ZNF324B: variants seen among roughly 807,000 people sequenced by gnomAD.
ZNF324B encodes the protein zinc finger protein 324B.
In ZNF324B, 7 loss-of-function variants were observed where a neutral mutation model predicts 10.6. That is an observed-to-expected ratio of 0.66 (90% confidence interval 0.38 to 1.24). ZNF324B has a LOEUF of 1.24. ZNF324B is among the 50% of genes most tolerant of loss of function. The pLI, the probability that ZNF324B is intolerant of heterozygous loss-of-function variation, is 0.02. For missense variants in ZNF324B, 640 were observed against 764.7 expected (o/e 0.84, Z 1.92); for synonymous variants, 316 against 321.0 (o/e 0.98, Z 0.17).
the ZNF324B span, chr19:58,431,199 A>G: frequency 1.3e-5 from 2 of 152,180 alleles, no homozygotes; most frequent in African/African-American, 2.4e-5. Flanking sequence ...TGGGGTTTCT[A>G]CCTGGAGTAC....
the ZNF324B span, among the ~76,000 whole-genome samples, chr19:58,436,687 A>G: frequency 6.6e-6 from 1 of 151,202 alleles, no homozygotes; most frequent in Admixed American, 6.6e-5. Flanking sequence ...AAAAAAAAAA[A>G]AAAAAGGAAA....
At chr19:58,429,565 C>G in the ZNF324B span, 1 of 152,264 alleles carries the variant, frequency 6.6e-6, no homozygotes, top group South Asian at 2.1e-4. Context: ...TGGGTTTTCA[C>G]CATGTTAGCC....
the ZNF324B span, among the ~76,000 whole-genome samples, chr19:58,431,407 T>G: frequency 6.6e-6 from 1 of 152,210 alleles, no homozygotes; most frequent in Non-Finnish European, 1.5e-5. Context: ...CTGAAACTGC[T>G]GTTCAGTGAT....
At chr19:58,434,778 A>G in the ZNF324B span, 2 of 1,614,208 alleles carry the variant, frequency 1.2e-6, no homozygotes, top group South Asian at 2.2e-5. Context: ...GCTGCCCAAG[A>G]TTGGAATATG....
At chr19:58,426,385 T>TG in the ZNF324B span, among the ~76,000 whole-genome samples, 10 of 152,162 alleles carry the variant, frequency 6.6e-5, no homozygotes, top group Non-Finnish European at 1.0e-4. Flanking sequence ...TTCATATTGA[T>TG]GGAGAGTTTT....
the ZNF324B span, chr19:58,433,333 A>G: frequency 6.2e-7 from 1 of 1,611,254 alleles, no homozygotes; most frequent in African/African-American, 1.3e-5. Flanking sequence ...TCAGGTATGA[A>G]TCTTTTTATG....
chr19:58,433,158 A>T, the ZNF324B span: 1 of 705,618 alleles, frequency 1.4e-6, no homozygotes. Flanking sequence ...CATGGGTGAG[A>T]TGGCCCTGCA....
chr19:58,420,528 TA>T, the ZNF324B span, among the ~76,000 whole-genome samples: 73,852 of 151,246 alleles, frequency 0.49, 18,328 homozygotes, highest in African/African-American at 0.56. Context: ...GAGAAGTTCA[TA>T]GACCAGCCTG....
At position 58,456,586 on chromosome 19, in the gene ZNF324B, A is replaced by C. The variant is rs192112354; in HGVS notation, c.*7A>C. 1.6e-4 allele frequency: 250 copies of C among 1,611,128 alleles called. No homozygotes were observed. The East Asian group carries it at 5.3e-3, about 34-fold the overall frequency. On this transcript the variant is annotated 3_prime_UTR_variant, in exon 4 of 4. Transcript: ENST00000336614. This position sits in a 1 kb window ranked among gnomAD's most constrained non-coding sequence, Gnocchi z 4.7. ...GAAGCCAGCGAAGGTCTGAGGTCACAGGTCGCAGCCCAACCCTTTCTTGGC... is the reference window on the plus strand; with the variant it reads ...GAAGCCAGCGAAGGTCTGAGGTCACCGGTCGCAGCCCAACCCTTTCTTGGC...
At chr19:58,439,211 T>A in the ZNF324B span, among the ~76,000 whole-genome samples, 1 of 152,174 alleles carries the variant, frequency 6.6e-6, no homozygotes, top group Non-Finnish European at 1.5e-5. Flanking sequence ...AAAGCACACA[T>A]CTGGACCACA....
upstream of ZNF324B, chr19:58,451,558 CA>C (rs1568602369): frequency 5.8e-6 from 3 of 513,524 alleles, no homozygotes; most frequent in Non-Finnish European, 1.2e-5. Context: ...AGGCTGTGCG[CA>C]AGCGTCTGCG....
the ZNF324B span, among the ~76,000 whole-genome samples, chr19:58,438,700 C>T: frequency 6.6e-6 from 1 of 151,924 alleles, no homozygotes; most frequent in Non-Finnish European, 1.5e-5. Flanking sequence ...GTCTCAATCT[C>T]CTGACCTAGT....
At chr19:58,425,857 T>C in the ZNF324B span, among the ~76,000 whole-genome samples, 1 of 152,172 alleles carries the variant, frequency 6.6e-6, no homozygotes, top group Non-Finnish European at 1.5e-5. Context: ...GAGCTGAGAT[T>C]TCAAGGCAGG....
chr19:58,455,177 G>A lies in ZNF324B; in HGVS notation c.239-6G>A, dbSNP rs768999969. ...CCCCAGGCAACCACCGTTTCTCTGC[G>A]TTTAGGTTCCTGGAGTTTGACAGAG... On this transcript the variant is annotated splice_polypyrimidine_tract_variant and splice_region_variant and intron_variant, in intron 3 of 3. Coordinates refer to ENST00000336614, the MANE Select transcript of ZNF324B (RefSeq NM_207395.3). The surrounding 1 kb of genome is among the most constrained non-coding windows in gnomAD (Gnocchi z 7.0). 15 of 1,613,932 alleles carry A rather than the reference G, an allele frequency of 9.3e-6. No individual in the cohort carries two copies. The highest frequency in any genetic ancestry group is 1.2e-5 in the Non-Finnish European group (14 of 1,180,050).
chr19:58,456,780 CA>C lies in ZNF324B; in HGVS notation c.*204del. On this transcript the variant is annotated 3_prime_UTR_variant, in exon 4 of 4. Coordinates refer to ENST00000336614, the MANE Select transcript of ZNF324B (RefSeq NM_207395.3). This position sits in a 1 kb window ranked among gnomAD's most constrained non-coding sequence, Gnocchi z 4.7. ...TAGTCATAGCTCACACCTCCATCCTCAAAGAGGTAACACTGCAGAAACATCA... is the reference window on the plus strand; with the variant it reads ...TAGTCATAGCTCACACCTCCATCCTCAAGAGGTAACACTGCAGAAACATCA... 1 of 637,840 alleles carries C rather than the reference CA, an allele frequency of 1.6e-6. No individual in the cohort carries two copies. Among genetic ancestry groups the C allele is most frequent in the Non-Finnish European group, 2.7e-6 (1 of 372,830 alleles). The allele number at this position is 637,840 out of a possible 1,614,324, so 39.5% of individuals were successfully genotyped here. A position where few individuals can be genotyped will look rare whatever the true frequency, so the allele number is the denominator to read the frequency against.
chr19:58,457,530 C>T lies in ZNF324B; in HGVS notation c.*951C>T, dbSNP rs2052934388. The T allele has an allele frequency of 7.1e-6, 1 of 140,692 alleles. No homozygotes were observed. The highest frequency in any genetic ancestry group is 1.5e-5 in the Non-Finnish European group (1 of 64,724). The allele number at this position is 140,692 out of a possible 1,614,324, so 8.7% of individuals were successfully genotyped here. A position where few individuals can be genotyped will look rare whatever the true frequency, so the allele number is the denominator to read the frequency against. On this transcript the variant is annotated 3_prime_UTR_variant, in exon 4 of 4. Coordinates refer to ENST00000336614, the MANE Select transcript of ZNF324B (RefSeq NM_207395.3). Reference sequence around the variant, plus strand: ...CCGATCCCCGCCCCCACCCCCACCCCCTCCATCTCACCTTTCCCTTGTTAT... The same window carrying T: ...CCGATCCCCGCCCCCACCCCCACCCTCTCCATCTCACCTTTCCCTTGTTAT...
At chr19:58,436,098 A>G in the ZNF324B span, among the ~76,000 whole-genome samples, 1 of 152,224 alleles carries the variant, frequency 6.6e-6, no homozygotes, top group Non-Finnish European at 1.5e-5. Context: ...AAAAATACAT[A>G]GTATTCTATA....
In ZNF324B at chr19:58,453,776, G is replaced by T; in HGVS notation, c.75G>T (p.Leu25=). Residue 25 remains leucine (L), a synonymous_variant, in exon 2 of 4, where the codon CTG becomes CTT. Coordinates refer to ENST00000336614, the MANE Select transcript of ZNF324B (RefSeq NM_207395.3). The part of the protein sequence containing the change: ...WGLLDTAQRA[L]YRHVMLENFT... Reference sequence around the variant, plus strand: ...TCCTGGACACAGCGCAGAGGGCCCTGTACCGCCACGTGATGCTGGAAAACT... The same window carrying T: ...TCCTGGACACAGCGCAGAGGGCCCTTTACCGCCACGTGATGCTGGAAAACT... 4.3e-6 allele frequency: 7 copies of T among 1,614,188 alleles called. No homozygotes were observed. Among genetic ancestry groups the T allele is most frequent in the Non-Finnish European group, 5.9e-6 (7 of 1,180,022 alleles).
chr19:58,447,806 AG>A (rs1320538826), upstream of ZNF324B, among the ~76,000 whole-genome samples: 1 of 152,182 alleles, frequency 6.6e-6, no homozygotes, highest in Non-Finnish European at 1.5e-5. Context: ...ACGTTGTGGG[AG>A]GGACCCAGTG....
Sources: gnomAD v4.1 joint callset for allele counts (sites outside exome capture counted in the v4.1 genomes callset) on GRCh38, gnomAD v4.1.1 for gene constraint, Gnocchi (gnomAD v3.1) non-coding constraint, MANE v1.5 for transcripts, NCBI Gene and HGNC (gene_info 2026-07-23, HGNC 2026-07-21) for gene names.